The following PCGF5 variants were observed in gnomAD, a reference collection of about 807,000 sequenced individuals.
The protein encoded by PCGF5 is polycomb group RING finger protein 5.
A neutral mutation model predicts 44.3 loss-of-function variants in PCGF5; 9 were observed. That is an observed-to-expected ratio of 0.20 (90% CI 0.12 to 0.35). PCGF5 has a LOEUF of 0.35. Among genes scored for constraint, PCGF5 ranks in the 10% least tolerant of loss-of-function variants. PCGF5 has a pLI of 1.00. For synonymous variants in PCGF5, 95 were observed against 102.5 expected (o/e 0.93, Z 0.44); for missense variants, 146 against 305.3 (o/e 0.48, Z 3.89).
chr10:91,165,705 G>C (rs549647085), intron 1 of PCGF5, among the ~76,000 whole-genome samples: 1 of 152,280 alleles, frequency 6.6e-6, no homozygotes, highest in South Asian at 2.1e-4. Context: ...TACATAAAAG[G>C]AGTTATTTAA....
intron 1 of PCGF5, among the ~76,000 whole-genome samples, chr10:91,164,079 C>T (rs570124165): frequency 2.6e-5 from 4 of 152,366 alleles, no homozygotes; most frequent in African/African-American, 4.8e-5. Context: ...AATCATCGCC[C>T]CGCGGACCGG....
At chr10:91,268,901 C>G (rs191510546) in intron 8 of PCGF5, among the ~76,000 whole-genome samples, 1 of 152,190 alleles carries the variant, frequency 6.6e-6, no homozygotes, top group Admixed American at 6.5e-5. Context: ...GCTGGTCAGA[C>G]TTAGCTCGTA....
upstream of PCGF5, among the ~76,000 whole-genome samples, chr10:91,219,012 G>T (rs1444609782): frequency 6.6e-6 from 1 of 152,078 alleles, no homozygotes; most frequent in African/African-American, 2.4e-5. Flanking sequence ...TTAAATTGGG[G>T]TGGGAGAGAT....
At chr10:91,168,930 A>G (rs1489651986) in intron 1 of PCGF5, among the ~76,000 whole-genome samples, 6 of 15,046 alleles carry the variant, frequency 4.0e-4, no homozygotes, top group East Asian at 3.2e-3. Flanking sequence ...TCCGTCTCAG[A>G]AAAAAAAAAA....
chr10:91,280,217 A>G lies in PCGF5; in HGVS notation c.*1901A>G, dbSNP rs1846419585. ...CAGACATCCCTAAGAACTTTTACAA[A>G]TTATTATAAATTTGTCACACCTAGG... On this transcript the variant is annotated 3_prime_UTR_variant, in exon 10 of 10. Coordinates refer to ENST00000336126, the MANE Select transcript of PCGF5 (RefSeq NM_032373.5). 1 of 152,064 alleles carries G rather than the reference A, an allele frequency of 6.6e-6. No homozygotes were observed. The highest frequency in any genetic ancestry group is 1.5e-5 in the Non-Finnish European group (1 of 67,902). The allele number at this position is 152,064 out of a possible 1,614,324, so 9.4% of individuals were successfully genotyped here.
At chr10:91,240,963 GTATA>G (rs915907340) in intron 3 of PCGF5, among the ~76,000 whole-genome samples, 5 of 150,704 alleles carry the variant, frequency 3.3e-5, no homozygotes, top group African/African-American at 1.2e-4. Context: ...TATTCAAAAA[GTATA>G]TAAACATTTA....
chr10:91,172,612 C>G (rs2288), intron 1 of PCGF5, among the ~76,000 whole-genome samples: 46,885 of 152,114 alleles, frequency 0.31, 9,051 homozygotes, highest in Non-Finnish European at 0.42. Context: ...TCATCTCTCT[C>G]CTTTAAACAC....
chr10:91,269,139 A>G (rs1846117106), intron 8 of PCGF5, among the ~76,000 whole-genome samples: 1 of 152,198 alleles, frequency 6.6e-6, no homozygotes, highest in South Asian at 2.1e-4. Flanking sequence ...AGGAGATGCT[A>G]ATGCATCTGA....
At chr10:91,248,309 CCATTTT>C in intron 3 of PCGF5, among the ~76,000 whole-genome samples, 190 bp from the exon 4 acceptor site, 1 of 151,976 alleles carries the variant, frequency 6.6e-6, no homozygotes, top group Non-Finnish European at 1.5e-5. Context: ...GGGACTGGGA[CCATTTT>C]TGTTATCAGT....
chr10:91,211,084 A>C (rs1343577705), intron 1 of PCGF5, among the ~76,000 whole-genome samples: 1 of 152,168 alleles, frequency 6.6e-6, no homozygotes, highest in African/African-American at 2.4e-5. Context: ...AGTGCATTTT[A>C]TTTTTATTTC....
At chr10:91,205,978 C>A (rs1362432083) in intron 1 of PCGF5, among the ~76,000 whole-genome samples, 3 of 152,152 alleles carry the variant, frequency 2.0e-5, no homozygotes, top group African/African-American at 7.2e-5. Flanking sequence ...GCTGAGATCA[C>A]ACCACTGCAC....
At chr10:91,172,846 A>G (rs1843634348) in intron 1 of PCGF5, among the ~76,000 whole-genome samples, 1 of 152,254 alleles carries the variant, frequency 6.6e-6, no homozygotes, top group African/African-American at 2.4e-5. Context: ...TGGGAATGTC[A>G]GGAAACTCAC....
intron 1 of PCGF5, among the ~76,000 whole-genome samples, chr10:91,184,594 T>C (rs1480013291): frequency 6.6e-6 from 1 of 152,228 alleles, no homozygotes; most frequent in Non-Finnish European, 1.5e-5. Flanking sequence ...TCTGAACACT[T>C]GCTGGAGAGG....
At chr10:91,238,299 G>A (rs759642465) in intron 2 of PCGF5, among the ~76,000 whole-genome samples, 3 of 152,146 alleles carry the variant, frequency 2.0e-5, no homozygotes, top group East Asian at 3.8e-4. Flanking sequence ...TAAGCAATTA[G>A]CATAACTTTA....
At chr10:91,201,493 A>G (rs1256042745) in intron 1 of PCGF5, among the ~76,000 whole-genome samples, 1 of 152,192 alleles carries the variant, frequency 6.6e-6, no homozygotes, top group African/African-American at 2.4e-5. Context: ...GTCCCATCAA[A>G]GTGAAAGCTT....
intron 1 of PCGF5, among the ~76,000 whole-genome samples, chr10:91,183,651 C>T (rs975485554): frequency 3.9e-5 from 6 of 151,968 alleles, no homozygotes; most frequent in South Asian, 2.1e-4. Context: ...ATGTAGTTCC[C>T]GTATAGTGTC....
At chr10:91,270,594 AG>A in intron 8 of PCGF5, among the ~76,000 whole-genome samples, 1 of 152,326 alleles carries the variant, frequency 6.6e-6, no homozygotes, top group South Asian at 2.1e-4. Context: ...TGACTGCTAG[AG>A]AAAAAAATTA....
chr10:91,165,520 G>T (rs939188297), intron 1 of PCGF5, among the ~76,000 whole-genome samples: 7 of 152,126 alleles, frequency 4.6e-5, no homozygotes, highest in African/African-American at 7.2e-5. Flanking sequence ...TTGAGGCAGG[G>T]TCTCTCTCAC....
intron 2 of PCGF5, among the ~76,000 whole-genome samples, chr10:91,230,397 AT>A (rs1844970676): frequency 6.6e-6 from 1 of 152,074 alleles, no homozygotes; most frequent in South Asian, 2.1e-4. Flanking sequence ...ACAAAAGATA[AT>A]TTTCATTTGG....
Sources: gnomAD v4.1 joint callset for allele counts (sites outside exome capture counted in the v4.1 genomes callset) on GRCh38, gnomAD v4.1.1 for gene constraint, MANE v1.5 for transcripts, NCBI Gene and HGNC (gene_info 2026-07-23, HGNC 2026-07-21) for gene names.